Variants in LTBP1 observed in about 807,000 individuals in gnomAD.
LTBP1 encodes the protein latent transforming growth factor beta binding protein 1.
In LTBP1, 129 loss-of-function variants were observed where a neutral mutation model predicts 207.6. That is an observed-to-expected ratio of 0.62 (90% confidence interval 0.54 to 0.72). The LOEUF is 0.72. LTBP1 is among the 30% of genes least tolerant of loss of function. LTBP1 has a pLI of 0.00. For synonymous variants in LTBP1, 963 were observed against 833.7 expected (o/e 1.16, Z -2.67); for missense variants, 2,281 against 2,217.2 (o/e 1.03, Z -0.58).
intron 2 of LTBP1, among the ~76,000 whole-genome samples, 185 bp downstream of exon 2, chr2:32,949,130 G>C (rs1265115514): frequency 6.6e-6 from 1 of 152,196 alleles, no homozygotes; most frequent in Non-Finnish European, 1.5e-5. Flanking sequence ...ATCAATGCCA[G>C]CAGCAATACA....
intron 9 of LTBP1, among the ~76,000 whole-genome samples, chr2:33,237,612 G>A (rs2092110172): frequency 6.6e-6 from 1 of 152,214 alleles, no homozygotes; most frequent in African/African-American, 2.4e-5. Context: ...TCATGCCATT[G>A]ATAAACAGTC....
intron 7 of LTBP1, among the ~76,000 whole-genome samples, chr2:33,194,381 A>C (rs1249139176): frequency 6.6e-6 from 1 of 152,210 alleles, no homozygotes; most frequent in Non-Finnish European, 1.5e-5. Flanking sequence ...CCTTTGCATC[A>C]GTTAGCCAAG....
At chr2:32,949,631 C>G (rs948993679) in intron 2 of LTBP1, among the ~76,000 whole-genome samples, 9 of 152,216 alleles carry the variant, frequency 5.9e-5, no homozygotes, top group Non-Finnish European at 1.2e-4. Context: ...TTTTGAGGTT[C>G]TTCTTGACGA....
intron 3 of LTBP1, among the ~76,000 whole-genome samples, chr2:33,101,012 A>T (rs1010418412): frequency 6.6e-6 from 1 of 152,212 alleles, no homozygotes; most frequent in Admixed American, 6.5e-5. Flanking sequence ...ACAGTGGAAC[A>T]TAAGTATGTT....
At chr2:33,252,895 C>T in intron 11 of LTBP1, 51 bp downstream of exon 11, 7 of 1,464,666 alleles carry the variant, frequency 4.8e-6, no homozygotes, top group Non-Finnish European at 5.5e-6. Flanking sequence ...CACATGAGTA[C>T]ACGGGACAAC....
chr2:33,130,681 C>T (rs1563183), intron 4 of LTBP1, among the ~76,000 whole-genome samples: 143,531 of 152,126 alleles, frequency 0.94, 67,741 homozygotes, highest in East Asian at 0.98. Context: ...AGTGCCAGTG[C>T]CTCTTCTTGG....
chr2:33,020,633 A>T (rs1279159250), intron 2 of LTBP1, among the ~76,000 whole-genome samples: 1 of 152,036 alleles, frequency 6.6e-6, no homozygotes, highest in Non-Finnish European at 1.5e-5. Context: ...CTGTTTTTTC[A>T]TCTGTAAAGT....
intron 2 of LTBP1, among the ~76,000 whole-genome samples, chr2:33,014,750 T>C (rs1688138607): frequency 6.6e-6 from 1 of 152,248 alleles, no homozygotes; most frequent in Non-Finnish European, 1.5e-5. Flanking sequence ...AGGATCAGCT[T>C]GTCAAACTGG....
chr2:33,168,411 AAAAAAG>A (rs1210114868), intron 5 of LTBP1, among the ~76,000 whole-genome samples: 1 of 151,616 alleles, frequency 6.6e-6, no homozygotes, highest in Admixed American at 6.6e-5. Flanking sequence ...AAAAAAAAAA[AAAAAAG>A]AAAAAAGAAA....
rs567207296 is a variant in LTBP1 at position 33,159,301 on chromosome 2, G to A, written c.1201+24341G>A. ...ATGACTTAGTGGTAATAGTCCCTTC[G>A]AACCTTGAGTGCTTGCTTATAAAGT... On this transcript the variant is annotated intron_variant, in intron 5 of 33. Coordinates refer to ENST00000404816, the MANE Select transcript of LTBP1 (RefSeq NM_206943.4). Among the ~76,000 whole-genome samples, 19 of 152,242 alleles carry A rather than the reference G, an allele frequency of 1.2e-4. 1 individual carries two copies. In the East Asian group the frequency reaches 3.5e-3, roughly 28 times the overall value.
rs557055417 is a variant in LTBP1 at position 33,381,273 on chromosome 2, G to A, written c.4712-7911G>A. On this transcript the variant is annotated intron_variant, in intron 31 of 33. Transcript: ENST00000404816. Reference sequence around the variant, plus strand: ...ACAGTAGTATAAATGTTTGGATCCAGGTTTTAAAATGCAAAGGAACCACTA... The same window carrying A: ...ACAGTAGTATAAATGTTTGGATCCAAGTTTTAAAATGCAAAGGAACCACTA... Among the ~76,000 whole-genome samples, 12 of 152,230 alleles carry A rather than the reference G, an allele frequency of 7.9e-5. No homozygotes were observed. In the South Asian group the frequency reaches 2.5e-3, roughly 32 times the overall value.
intron 3 of LTBP1, among the ~76,000 whole-genome samples, chr2:33,093,328 C>T (rs2079206148): frequency 6.6e-6 from 1 of 152,156 alleles, no homozygotes; most frequent in East Asian, 1.9e-4. Context: ...TTGTTTTCCC[C>T]TGCTCTCCCT....
At chr2:33,209,739 C>G (rs1236506390) in intron 7 of LTBP1, among the ~76,000 whole-genome samples, 1 of 152,140 alleles carries the variant, frequency 6.6e-6, no homozygotes, top group Non-Finnish European at 1.5e-5. Flanking sequence ...TATCGAATAA[C>G]TACTAGATTA....
Position 33,398,436 on chromosome 2 carries a change from G to T in LTBP1, c.5057G>T (p.Gly1686Val). The T allele has an allele frequency of 6.2e-7, 1 of 1,614,188 alleles. No homozygotes were observed. Reference sequence around the variant, plus strand: ...AATGCCAAGTGCATTAACACCGATGGTTCCTACAAGTGTTTGTGTCTGCCA... The same window carrying T: ...AATGCCAAGTGCATTAACACCGATGTTTCCTACAAGTGTTTGTGTCTGCCA... ...CKNAKCINTD[G>V]SYKCLCLPGY... is the part of the protein sequence containing the mutation. The change falls in exon 34 of 34, where the codon GGT (glycine) becomes GTT (valine). Residue 1686 changes from glycine (G) to valine (V), a missense_variant. Gly to Val is a moderately radical substitution (Grantham distance 109). Coordinates refer to ENST00000404816, the MANE Select transcript of LTBP1 (RefSeq NM_206943.4).
intron 6 of LTBP1, among the ~76,000 whole-genome samples, chr2:33,187,789 A>G (rs1361177519): frequency 2.0e-5 from 3 of 152,250 alleles, no homozygotes; most frequent in Admixed American, 6.5e-5. Flanking sequence ...AAGAAGCACA[A>G]AAATAACAGG....
At chr2:33,170,378 AC>A (rs59110821) in intron 5 of LTBP1, among the ~76,000 whole-genome samples, 71,343 of 151,784 alleles carry the variant, frequency 0.47, 17,101 homozygotes, top group Non-Finnish European at 0.51. Flanking sequence ...AGAGGGTCCT[AC>A]GCCCATAGAG....
At chr2:33,164,199 A>C (rs1010419147) in intron 5 of LTBP1, among the ~76,000 whole-genome samples, 3 of 151,676 alleles carry the variant, frequency 2.0e-5, no homozygotes, top group African/African-American at 7.3e-5. Flanking sequence ...AAATACAAAA[A>C]TTAGCTGGGT....
At chr2:33,287,532 G>A (rs2148722182) in intron 19 of LTBP1, among the ~76,000 whole-genome samples, 1 of 152,350 alleles carries the variant, frequency 6.6e-6, no homozygotes, top group African/African-American at 2.4e-5. Flanking sequence ...GGATTCTAGA[G>A]TTTGAGACAG....
At chr2:33,137,406 C>G (rs2082230151) in intron 5 of LTBP1, among the ~76,000 whole-genome samples, 1 of 152,146 alleles carries the variant, frequency 6.6e-6, no homozygotes, top group African/African-American at 2.4e-5. Context: ...CTGGCAAACT[C>G]TTTTTGTAAA....
Sources: gnomAD v4.1 joint callset for allele counts (sites outside exome capture counted in the v4.1 genomes callset) on GRCh38, gnomAD v4.1.1 for gene constraint, MANE v1.5 for transcripts, NCBI Gene and HGNC (gene_info 2026-07-23, HGNC 2026-07-21) for gene names.